CEP63: variants seen among roughly 807,000 people sequenced by gnomAD.
CEP63 encodes the protein centrosomal protein 63.
Under a neutral mutation model 89.1 loss-of-function variants are expected in CEP63, and 84 were observed. The observed-to-expected ratio is 0.94, with a 90% CI of 0.79 to 1.13. CEP63 has a LOEUF of 1.13. Among genes scored for constraint, CEP63 ranks in the 50% most tolerant of loss-of-function variants. The pLI is 0.00. For missense variants in CEP63, 838 were observed against 813.3 expected, an observed-to-expected ratio of 1.03 and a Z score of -0.37; for synonymous variants, 267 against 272.5, an observed-to-expected ratio of 0.98 and a Z score of 0.20.
chr3:134,500,318 T>A (rs1471224290), intron 2 of CEP63, among the ~76,000 whole-genome samples: 1 of 152,222 alleles, frequency 6.6e-6, no homozygotes, highest in Non-Finnish European at 1.5e-5. Context: ...GTATATGTAC[T>A]ACATTTTCTT....
At chr3:134,728,456 A>T in the CEP63 span, among the ~76,000 whole-genome samples, 1 of 152,220 alleles carries the variant, frequency 6.6e-6, no homozygotes, top group East Asian at 1.9e-4. Context: ...AAGCAATAGG[A>T]TATCACCCAA....
downstream of CEP63, among the ~76,000 whole-genome samples, chr3:134,578,126 G>C (rs1958255758): frequency 6.6e-6 from 1 of 152,076 alleles, no homozygotes; most frequent in South Asian, 2.1e-4. Flanking sequence ...ATTCCTTTGA[G>C]CGTATACCTA....
chr3:134,690,882 G>T, the CEP63 span, among the ~76,000 whole-genome samples: 1 of 151,778 alleles, frequency 6.6e-6, no homozygotes, highest in Non-Finnish European at 1.5e-5. Flanking sequence ...CCAAGTAGCT[G>T]GGATTACAGG....
the CEP63 span, among the ~76,000 whole-genome samples, chr3:134,594,263 T>C: frequency 6.6e-6 from 1 of 152,202 alleles, no homozygotes; most frequent in African/African-American, 2.4e-5. Context: ...TCGTCAGTCA[T>C]TCAGCCCAGC....
At chr3:134,769,835 C>T in the CEP63 span, among the ~76,000 whole-genome samples, 1 of 152,214 alleles carries the variant, frequency 6.6e-6, no homozygotes, top group African/African-American at 2.4e-5. Context: ...CTCGAAAGGG[C>T]AGAAATGACA....
At chr3:134,494,868 A>G (rs1191659990) in intron 1 of CEP63, among the ~76,000 whole-genome samples, 2 of 152,136 alleles carry the variant, frequency 1.3e-5, no homozygotes, top group Non-Finnish European at 2.9e-5. Flanking sequence ...TAATCTCAGT[A>G]CACTTCGCAT....
chr3:134,566,149 G>T (rs554180266), downstream of CEP63, among the ~76,000 whole-genome samples: 12 of 150,458 alleles, frequency 8.0e-5, 1 homozygote, highest in South Asian at 2.5e-3. Context: ...TTCCCTCTCT[G>T]TGAGGAACTA....
chr3:134,644,240 C>T, the CEP63 span, among the ~76,000 whole-genome samples: 55 of 152,282 alleles, frequency 3.6e-4, no homozygotes, highest in African/African-American at 1.0e-3. Flanking sequence ...AGGGCATGCA[C>T]GCTACACACG....
At chr3:134,627,825 T>C in the CEP63 span, 2 of 1,610,330 alleles carry the variant, frequency 1.2e-6, no homozygotes, top group Non-Finnish European at 1.7e-6. Flanking sequence ...AAACCTACAA[T>C]ATTCCAAAGA....
intron 2 of CEP63, among the ~76,000 whole-genome samples, chr3:134,498,948 G>C (rs1941073751): frequency 2.0e-5 from 3 of 152,140 alleles, no homozygotes; most frequent in Admixed American, 2.0e-4. Flanking sequence ...CTAGTATTTT[G>C]TTGAAGATTT....
the CEP63 span, among the ~76,000 whole-genome samples, chr3:134,752,707 G>A: frequency 7.2e-5 from 11 of 152,296 alleles, no homozygotes; most frequent in Admixed American, 3.9e-4. Context: ...ACAGGTGCAC[G>A]GGACCAGCAA....
intron 3 of CEP63, among the ~76,000 whole-genome samples, chr3:134,511,703 G>A (rs765115724): frequency 1.3e-5 from 2 of 152,116 alleles, no homozygotes; most frequent in Non-Finnish European, 2.9e-5. Flanking sequence ...TTCACATGGC[G>A]GAGGAGGAGA....
At chr3:134,504,375 C>T (rs13071852) in intron 2 of CEP63, among the ~76,000 whole-genome samples, 40 of 152,142 alleles carry the variant, frequency 2.6e-4, no homozygotes, top group Admixed American at 2.0e-3. Context: ...TTCTTAGACA[C>T]CAGTTTTATT....
chr3:134,650,707 G>A, the CEP63 span: 2 of 940,492 alleles, frequency 2.1e-6, no homozygotes, highest in African/African-American at 3.5e-5. Context: ...ATGGGGGAGA[G>A]GGTCGGGTTC....
chr3:134,544,206 G>C (rs1015283873), intron 6 of CEP63, among the ~76,000 whole-genome samples: 2 of 152,114 alleles, frequency 1.3e-5, no homozygotes, highest in African/African-American at 4.8e-5. Flanking sequence ...GTAAAATTGT[G>C]TGATTTTACC....
chr3:134,765,911 C>T, the CEP63 span, among the ~76,000 whole-genome samples: 3 of 152,204 alleles, frequency 2.0e-5, no homozygotes, highest in African/African-American at 7.2e-5. Context: ...GGATTTGATC[C>T]TACAGTGCCT....
the CEP63 span, among the ~76,000 whole-genome samples, chr3:134,707,170 T>G: frequency 6.6e-6 from 1 of 152,230 alleles, no homozygotes; most frequent in Non-Finnish European, 1.5e-5. Context: ...GGATCTGCAC[T>G]AGGTTCTGTC....
chr3:134,627,654 T>G, the CEP63 span: 1 of 1,042,702 alleles, frequency 9.6e-7, no homozygotes, highest in Non-Finnish European at 1.5e-6. Context: ...CCCCAGCCTC[T>G]CAGCATAGTG....
chr3:134,699,216 T>A, the CEP63 span, among the ~76,000 whole-genome samples: 1 of 152,220 alleles, frequency 6.6e-6, no homozygotes, highest in African/African-American at 2.4e-5. Flanking sequence ...CATTATGTGC[T>A]TAAACAGTTG....
Sources: gnomAD v4.1 joint callset for allele counts (sites outside exome capture counted in the v4.1 genomes callset) on GRCh38, gnomAD v4.1.1 for gene constraint, MANE v1.5 for transcripts, NCBI Gene and HGNC (gene_info 2026-07-23, HGNC 2026-07-21) for gene names.